Variants in CBLB observed in about 807,000 individuals in gnomAD.
The protein encoded by CBLB is E3 ubiquitin-protein ligase CBL-B.
CBLB carries 31 observed loss-of-function variants against 104.9 expected under a neutral mutation model. The observed-to-expected ratio is 0.30, with a 90% CI of 0.22 to 0.40. The LOEUF is 0.40. CBLB is among the 10% of genes least tolerant of loss of function. The pLI is 1.00. For missense variants in CBLB, 1,062 were observed against 1,214.6 expected, an observed-to-expected ratio of 0.87 and a Z score of 1.87; for synonymous variants, 440 against 422.6, an observed-to-expected ratio of 1.04 and a Z score of -0.51.
chr3:105,670,633 A>C (rs2064970950), intron 17 of CBLB: 1 of 374,162 alleles, frequency 2.7e-6, no homozygotes, highest in Non-Finnish European at 4.9e-6. Context: ...TGACAATAAA[A>C]ACAGCTTCTA....
At chr3:105,663,015 C>T (rs1367339004) in intron 18 of CBLB, among the ~76,000 whole-genome samples, 4 of 132,338 alleles carry the variant, frequency 3.0e-5, no homozygotes, top group Non-Finnish European at 6.7e-5. Flanking sequence ...ACCGTCACTA[C>T]GAGAGTTACT....
In CBLB at chr3:105,702,425, G is replaced by A. The variant is rs1425619029; in HGVS notation, c.1628C>T (p.Pro543Leu). The A allele has an allele frequency of 2.2e-6, 3 of 1,338,542 alleles. No individual in the cohort carries two copies. In the Admixed American group the frequency reaches 6.1e-5, roughly 27 times the overall value. The allele number at this position is 1,338,542 out of a possible 1,614,324, so 82.9% of individuals were successfully genotyped here. The change falls in exon 12 of 19, where the codon CCA becomes CTA. Residue 543 changes from proline to leucine, a missense_variant. By Grantham distance (98) the Pro-to-Leu change is moderately conservative (BLOSUM62 -3). Around this residue, in one of 2 missense-constraint regions of CBLB, gnomAD observed 605 missense variants for 582.6 expected, o/e 1.04. Coordinates refer to ENST00000394030, the MANE Select transcript of CBLB (RefSeq NM_170662.5). ...SPCMVRKQDK[P>L]LPAPPPPLRD... ...TAAGGGAGGAGGTGGTGCTGGGAGT[G>A]GTTTATCTTGTTTTCTCACCATGCA...
chr3:105,733,485 G>A (rs1034987783), intron 9 of CBLB, among the ~76,000 whole-genome samples: 6 of 152,130 alleles, frequency 3.9e-5, no homozygotes, highest in Non-Finnish European at 7.4e-5. Flanking sequence ...CTGAGATTAT[G>A]CTTCAGTAAA....
chr3:105,737,202 G>T lies in CBLB; in HGVS notation c.1040C>A (p.Pro347His). The T allele has an allele frequency of 6.3e-7, 1 of 1,591,784 alleles. No individual in the cohort carries two copies. Among genetic ancestry groups the T allele is most frequent in the Non-Finnish European group, 8.6e-7 (1 of 1,161,954 alleles). The change falls in exon 8 of 19, where the codon CCT (proline) becomes CAT (histidine). Residue 347 changes from proline (P) to histidine (H), a missense_variant. By Grantham distance (77) the Pro-to-His change is moderately conservative. Around this residue, in one of 2 missense-constraint regions of CBLB, gnomAD observed 457 missense variants for 632.0 expected, o/e 0.72. Transcript: ENST00000394030. The part of the protein sequence containing the change: ...YNPDLTGLCE[P>H]TPHDHIKVTQ... ...AACTTTTATATGGTCATGAGGTGTAGGTTCACATAATCCAGTTAAATCAGG... is the reference window on the plus strand; with the variant it reads ...AACTTTTATATGGTCATGAGGTGTATGTTCACATAATCCAGTTAAATCAGG...
chr3:105,769,806 C>A (rs886137270), intron 4 of CBLB, among the ~76,000 whole-genome samples: 1 of 152,140 alleles, frequency 6.6e-6, no homozygotes, highest in African/African-American at 2.4e-5. Context: ...AATATTCATG[C>A]AAACACTTCA....
At chr3:105,869,414 G>T, upstream of CBLB, 1 of 1,334,976 alleles carries the variant, frequency 7.5e-7, no homozygotes, top group African/African-American at 1.5e-5. Context: ...GGGACTTCCT[G>T]CTTCGCTTAC....
chr3:105,761,004 C>T (rs980404475), intron 4 of CBLB, among the ~76,000 whole-genome samples: 7 of 152,094 alleles, frequency 4.6e-5, no homozygotes, highest in African/African-American at 1.7e-4. Flanking sequence ...AATACCTACA[C>T]ACTGACTTTA....
chr3:105,659,180 A>G lies in CBLB; in HGVS notation c.2739T>C (p.Thr913=). ...ARPPKPRPRR[T]APEIHHRKPH... ...GTTTTCTGTGGTGAATTTCTGGTGC[A>G]GTCCTGCGCGGTCGTGGTTTAGGGG... The change falls in exon 19 of 19, where the codon ACT becomes ACC. Residue 913 remains threonine, a synonymous_variant. Transcript: ENST00000394030. 1 of 1,613,934 alleles carries G rather than the reference A, an allele frequency of 6.2e-7. No homozygotes were observed. Among genetic ancestry groups the G allele is most frequent in the South Asian group, 1.1e-5 (1 of 91,078 alleles).
At chr3:105,849,195 C>T (rs76314485) in intron 3 of CBLB, among the ~76,000 whole-genome samples, 11,695 of 152,184 alleles carry the variant, frequency 0.077, 607 homozygotes, top group East Asian at 0.29. Flanking sequence ...AAAAGAAACA[C>T]AGTTCGAAAG....
At chr3:105,786,161 A>G (rs1170506545) in intron 3 of CBLB, among the ~76,000 whole-genome samples, 2 of 152,008 alleles carry the variant, frequency 1.3e-5, no homozygotes, top group African/African-American at 2.4e-5. Context: ...TTAAAAGGCT[A>G]TAAATACCAC....
intron 2 of CBLB, among the ~76,000 whole-genome samples, chr3:105,856,876 T>C (rs1393713128): frequency 6.6e-6 from 1 of 152,148 alleles, no homozygotes; most frequent in Non-Finnish European, 1.5e-5. Flanking sequence ...GCCCTAAAGA[T>C]TAAGTCCCAA....
At chr3:105,829,286 A>T (rs1490086696) in intron 3 of CBLB, among the ~76,000 whole-genome samples, 1 of 152,196 alleles carries the variant, frequency 6.6e-6, no homozygotes, top group Admixed American at 6.5e-5. Context: ...AGGTAAAATA[A>T]ACGTAACGAA....
chr3:105,751,392 G>T (rs1401719893), intron 5 of CBLB, 70 bp downstream of exon 5: 3 of 1,056,790 alleles, frequency 2.8e-6, no homozygotes, highest in Admixed American at 3.7e-5. Flanking sequence ...GACAGAGAGA[G>T]AGAGAAACAG....
In CBLB at chr3:105,685,391, C is replaced by T; in HGVS notation, c.2130G>A (p.Lys710=). The change falls in exon 14 of 19, where the codon AAG becomes AAA. Residue 710 remains lysine, a synonymous_variant. Coordinates refer to ENST00000394030, the MANE Select transcript of CBLB (RefSeq NM_170662.5). ...DPVEEDDDEY[K]IPSSHPVSLN... ...GGGAAACAGGGTGGGATGAAGGAAT[C>T]TTGTATTCATCATCATCTTCCTCTA... is the stretch of plus-strand genomic sequence containing the variant. The T allele has an allele frequency of 6.2e-7, 1 of 1,611,302 alleles. No homozygotes were observed. Among genetic ancestry groups the T allele is most frequent in the South Asian group, 1.1e-5 (1 of 91,034 alleles).
At position 105,678,543 on chromosome 3, in the gene CBLB, T is replaced by C. The variant is rs370629062; in HGVS notation, c.2457A>G (p.Pro819=). The part of the protein sequence containing the change: ...LGEDAFDALP[P]SLPPPPPPAR... ...CAGGAGGTGGGGGAGGTGGGAGAGA[T>C]GGAGGGAGGGCATCAAAAGCATCTT... The change falls in exon 17 of 19, where the codon CCA becomes CCG. Residue 819 remains proline, a synonymous_variant. Transcript: ENST00000394030. 1.9e-6 allele frequency: 3 copies of C among 1,613,372 alleles called. No individual in the cohort carries two copies. Among genetic ancestry groups the C allele is most frequent in the African/African-American group, 1.3e-5 (1 of 74,784 alleles).
chr3:105,700,704 T>C (rs183825367), intron 12 of CBLB, among the ~76,000 whole-genome samples: 1 of 152,138 alleles, frequency 6.6e-6, no homozygotes, highest in East Asian at 1.9e-4. Context: ...CCAAGGTGAG[T>C]CACCAGCAAA....
At chr3:105,697,999 G>C (rs1270193480) in intron 12 of CBLB, among the ~76,000 whole-genome samples, 1 of 151,912 alleles carries the variant, frequency 6.6e-6, no homozygotes, top group Admixed American at 6.6e-5. Context: ...GTTTATTAAG[G>C]AACAGCTTTA....
At chr3:105,683,761 T>A (rs2066627313) in intron 14 of CBLB, among the ~76,000 whole-genome samples, 2 of 152,234 alleles carry the variant, frequency 1.3e-5, no homozygotes, top group Non-Finnish European at 2.9e-5. Context: ...TATTTCTTTG[T>A]CTTCTCAATG....
intron 16 of CBLB, chr3:105,681,272 G>T: frequency 1.7e-6 from 1 of 598,492 alleles, no homozygotes. Context: ...CCTGACTGAT[G>T]CCCAACTACT....
Sources: gnomAD v4.1 joint callset for allele counts (sites outside exome capture counted in the v4.1 genomes callset) on GRCh38, gnomAD v4.1.1 for gene constraint, gnomAD v4.1.1 regional missense constraint, MANE v1.5 for transcripts, NCBI Gene and HGNC (gene_info 2026-07-23, HGNC 2026-07-21) for gene names.